The following SNTG1 variants were observed in gnomAD, a reference collection of about 807,000 sequenced individuals.
The protein encoded by SNTG1 is gamma-1-syntrophin.
SNTG1 carries 39 observed loss-of-function variants against 74.7 expected under a neutral mutation model. That is an observed-to-expected ratio of 0.52 (90% CI 0.40 to 0.68). The LOEUF (loss-of-function observed/expected upper bound fraction) is 0.68. SNTG1 is among the 30% of genes least tolerant of loss of function. The pLI is 0.00. For synonymous variants in SNTG1, 254 were observed against 217.1 expected (o/e 1.17, Z -1.49); for missense variants, 685 against 609.5 (o/e 1.12, Z -1.30).
intron 8 of SNTG1, among the ~76,000 whole-genome samples, chr8:50,496,066 T>C (rs938426963): frequency 6.6e-6 from 1 of 152,232 alleles, no homozygotes; most frequent in Non-Finnish European, 1.5e-5. Flanking sequence ...TTATAGTTTC[T>C]AGATTAGCCT....
At chr8:50,481,814 C>G (rs2131820366) in intron 8 of SNTG1, among the ~76,000 whole-genome samples, 1 of 152,216 alleles carries the variant, frequency 6.6e-6, no homozygotes, top group East Asian at 1.9e-4. Flanking sequence ...TAATCAATAT[C>G]AAAAAGAACA....
chr8:50,259,679 A>G (rs2087083984), intron 2 of SNTG1, among the ~76,000 whole-genome samples: 2 of 152,164 alleles, frequency 1.3e-5, no homozygotes, highest in Non-Finnish European at 2.9e-5. Context: ...TCCATATGAT[A>G]TATATGGATC....
At chr8:50,588,285 T>G (rs1046860710) in intron 12 of SNTG1, among the ~76,000 whole-genome samples, 62 of 152,166 alleles carry the variant, frequency 4.1e-4, no homozygotes, top group Non-Finnish European at 8.8e-4. Context: ...GATGTGGGTG[T>G]GTGTACAGAT....
At position 50,205,052 on chromosome 8, in the gene SNTG1, C is replaced by A. The variant is rs1476536877; in HGVS notation, c.-28+32417C>A. Among the ~76,000 whole-genome samples the A allele has an allele frequency of 2.0e-5, 3 of 152,106 alleles. No individual in the cohort carries two copies. In the East Asian group the frequency reaches 5.8e-4, roughly 29 times the overall value. On this transcript the variant is annotated intron_variant, in intron 2 of 18. Transcript: ENST00000642720. ...CATACGTGTGCATGTGTCTTTATAA[C>A]AGCATGATTTATAATCTTTTGGGTA...
intron 17 of SNTG1, among the ~76,000 whole-genome samples, chr8:50,716,979 G>T (rs542765271): frequency 2.0e-5 from 3 of 151,862 alleles, no homozygotes; most frequent in African/African-American, 7.3e-5. Context: ...CTCGTGATCC[G>T]CCTGCCTCAG....
intron 1 of SNTG1, among the ~76,000 whole-genome samples, chr8:50,004,252 A>T (rs902875358): frequency 1.3e-5 from 2 of 152,128 alleles, no homozygotes; most frequent in Non-Finnish European, 2.9e-5. Context: ...CGGCCCAGGG[A>T]TGTTTAACAT....
At chr8:50,623,893 C>T (rs1425209082) in intron 13 of SNTG1, among the ~76,000 whole-genome samples, 2 of 151,570 alleles carry the variant, frequency 1.3e-5, no homozygotes, top group Non-Finnish European at 2.9e-5. Flanking sequence ...TTTTTAAACT[C>T]TTAAAATTAT....
At chr8:50,338,194 A>C (rs1436858217) in intron 2 of SNTG1, among the ~76,000 whole-genome samples, 1 of 152,172 alleles carries the variant, frequency 6.6e-6, no homozygotes, top group Non-Finnish European at 1.5e-5. Flanking sequence ...GTTTGCATAC[A>C]AACTCAAATG....
chr8:50,056,437 C>T (rs1382334356), intron 1 of SNTG1, among the ~76,000 whole-genome samples: 1 of 152,054 alleles, frequency 6.6e-6, no homozygotes, highest in Non-Finnish European at 1.5e-5. Context: ...AAGCAAACAT[C>T]CATGCCAGAC....
intron 1 of SNTG1, among the ~76,000 whole-genome samples, chr8:49,983,205 C>G (rs764013196): frequency 5.3e-5 from 8 of 152,156 alleles, no homozygotes; most frequent in Non-Finnish European, 1.0e-4. Flanking sequence ...TGAAACTCAG[C>G]TATAACTGAA....
intron 18 of SNTG1, among the ~76,000 whole-genome samples, chr8:50,782,977 C>G (rs1394822006): frequency 1.3e-5 from 2 of 152,168 alleles, no homozygotes; most frequent in Non-Finnish European, 2.9e-5. Flanking sequence ...ACCCCAGACC[C>G]TGTTTGCCTG....
intron 2 of SNTG1, among the ~76,000 whole-genome samples, chr8:50,297,649 T>C (rs1444146938): frequency 6.6e-6 from 1 of 151,822 alleles, no homozygotes; most frequent in Non-Finnish European, 1.5e-5. Flanking sequence ...AGAAAAGGAG[T>C]GTTCACATCC....
At chr8:50,525,010 T>C (rs993998417) in intron 9 of SNTG1, among the ~76,000 whole-genome samples, 1 of 152,190 alleles carries the variant, frequency 6.6e-6, no homozygotes, top group Non-Finnish European at 1.5e-5. Context: ...TATCTAGTGT[T>C]CTTTTACTTC....
intron 1 of SNTG1, among the ~76,000 whole-genome samples, chr8:49,943,284 T>C (rs1428303768): frequency 9.2e-6 from 1 of 109,078 alleles, no homozygotes; most frequent in African/African-American, 2.5e-5. Flanking sequence ...AAAGGGATCC[T>C]TCGATCTAGT....
At position 50,505,426 on chromosome 8, in the gene SNTG1, A is replaced by G. The variant is rs143133787; in HGVS notation, c.466+2546A>G. On this transcript the variant is annotated intron_variant, in intron 9 of 18. Coordinates refer to ENST00000642720, the MANE Select transcript of SNTG1 (RefSeq NM_018967.5). ...GAATGACCATACTGTTTTCCATAGT[A>G]GCTGCATCATTTTACACTCTTAAGT... Among the ~76,000 whole-genome samples, 75 of 152,266 alleles carry G rather than the reference A, an allele frequency of 4.9e-4. 1 individual carries two copies. In the East Asian group the frequency reaches 7.7e-3, roughly 16 times the overall value.
intron 4 of SNTG1, among the ~76,000 whole-genome samples, chr8:50,430,280 T>C (rs1450164463): frequency 6.6e-6 from 1 of 152,188 alleles, no homozygotes; most frequent in African/African-American, 2.4e-5. Context: ...AGATAAAAAC[T>C]GTGTATATTC....
chr8:50,390,504 A>G (rs1200444365), intron 2 of SNTG1, among the ~76,000 whole-genome samples: 1 of 152,176 alleles, frequency 6.6e-6, no homozygotes, highest in African/African-American at 2.4e-5. Flanking sequence ...AGGTAGCTTG[A>G]TGCCTCCAGC....
chr8:50,566,937 T>C (rs2094519371), intron 12 of SNTG1, among the ~76,000 whole-genome samples: 1 of 152,056 alleles, frequency 6.6e-6, no homozygotes, highest in Admixed American at 6.6e-5. Context: ...TATATGATGC[T>C]GAAACATTTG....
rs565642359 is a variant in SNTG1 at position 50,163,265 on chromosome 8, T to C, written c.-102-9296T>C. On this transcript the variant is annotated intron_variant, in intron 1 of 18. Coordinates refer to ENST00000642720, the MANE Select transcript of SNTG1 (RefSeq NM_018967.5). ...CACAGAAACTAAATCCCATATTCTC[T>C]AGTTTTAAATTTTGAAAACTGTCTT... Among the ~76,000 whole-genome samples, 88 of 152,330 alleles carry C rather than the reference T, an allele frequency of 5.8e-4. 2 individuals carry two copies. The highest frequency in any genetic ancestry group is 2.1e-4 in the South Asian group (1 of 4,834).
Sources: gnomAD v4.1 joint callset for allele counts (sites outside exome capture counted in the v4.1 genomes callset) on GRCh38, gnomAD v4.1.1 for gene constraint, MANE v1.5 for transcripts, NCBI Gene and HGNC (gene_info 2026-07-23, HGNC 2026-07-21) for gene names.